NDUFA10: variants seen among roughly 807,000 people sequenced by gnomAD.
The protein encoded by NDUFA10 is NADH dehydrogenase [ubiquinone] 1 alpha subcomplex subunit 10, mitochondrial.
In NDUFA10, 40 loss-of-function variants were observed where a neutral mutation model predicts 47.8. That is an observed-to-expected ratio of 0.84 (90% CI 0.65 to 1.09). The LOEUF is 1.09. NDUFA10 is among the 50% of genes least tolerant of loss of function. The probability of loss-of-function intolerance (pLI) is 0.00; values close to 1 mark genes in which losing one functional copy is unlikely to be tolerated. For synonymous variants in NDUFA10, 183 were observed against 172.2 expected (o/e 1.06, Z -0.49); for missense variants, 413 against 451.1 (o/e 0.92, Z 0.76).
chr2:239,895,136 A>T (rs1430933408), intron 5 of NDUFA10: 2 of 346,774 alleles, frequency 5.8e-6, no homozygotes, highest in African/African-American at 4.3e-5. Context: ...ACCATCCATC[A>T]CTGACCCAGT....
intron 4 of NDUFA10, among the ~76,000 whole-genome samples, chr2:239,929,354 G>A (rs892811000): frequency 6.6e-6 from 1 of 152,170 alleles, no homozygotes; most frequent in African/African-American, 2.4e-5. Flanking sequence ...GGAGGGGCCA[G>A]GGTCTCACGA....
chr2:239,981,114 G>A (rs1695756010), intron 9 of NDUFA10, among the ~76,000 whole-genome samples: 1 of 152,236 alleles, frequency 6.6e-6, no homozygotes, highest in Admixed American at 6.5e-5. Context: ...TGCCAGGACT[G>A]AGAAATCATA....
chr2:239,910,162 C>A (rs531116155), intron 4 of NDUFA10, among the ~76,000 whole-genome samples: 208 of 152,268 alleles, frequency 1.4e-3, no homozygotes, highest in African/African-American at 4.9e-3. Flanking sequence ...TGTGGCGATT[C>A]CTCAAAGATC....
chr2:239,961,684 G>C (rs1294820744), intron 9 of NDUFA10, among the ~76,000 whole-genome samples: 1 of 152,246 alleles, frequency 6.6e-6, no homozygotes, highest in Non-Finnish European at 1.5e-5. Flanking sequence ...GGCGGAGTAG[G>C]AAAGTGAGTT....
intron 9 of NDUFA10, among the ~76,000 whole-genome samples, chr2:239,965,118 T>A (rs1695006235): frequency 6.6e-6 from 1 of 152,206 alleles, no homozygotes; most frequent in Admixed American, 6.5e-5. Flanking sequence ...AATAGAATTT[T>A]AAATCAGAGC....
At chr2:239,929,505 G>C (rs192205193) in intron 4 of NDUFA10, among the ~76,000 whole-genome samples, 1 of 152,296 alleles carries the variant, frequency 6.6e-6, no homozygotes, top group African/African-American at 2.4e-5. Flanking sequence ...AATCAGTGGT[G>C]ATTTTCCTTC....
chr2:239,938,770 G>A (rs939455019), intron 4 of NDUFA10, among the ~76,000 whole-genome samples: 8 of 152,206 alleles, frequency 5.3e-5, no homozygotes, highest in African/African-American at 1.9e-4. Flanking sequence ...GCAGATCCTG[G>A]CAGGAGTAAG....
chr2:239,991,132 G>C (rs1016347126), intron 8 of NDUFA10, among the ~76,000 whole-genome samples: 1 of 152,154 alleles, frequency 6.6e-6, no homozygotes, highest in Non-Finnish European at 1.5e-5. Flanking sequence ...ACAGTACCCA[G>C]GTAGGCTCTC....
At chr2:239,999,296 A>G (rs1457481404) in intron 8 of NDUFA10, among the ~76,000 whole-genome samples, 3 of 152,152 alleles carry the variant, frequency 2.0e-5, no homozygotes, top group Non-Finnish European at 4.4e-5. Flanking sequence ...CGTCCTCTGC[A>G]TTCTCTGGGT....
At chr2:239,967,979 TACACACACACACAC>T (rs61166045) in intron 9 of NDUFA10, among the ~76,000 whole-genome samples, 4 of 147,476 alleles carry the variant, frequency 2.7e-5, no homozygotes, top group African/African-American at 5.0e-5. Context: ...GAAAAAAATA[TACACACACACACAC>T]ACACACACAC....
chr2:239,976,098 C>T (rs1373577857), intron 9 of NDUFA10, among the ~76,000 whole-genome samples: 1 of 152,242 alleles, frequency 6.6e-6, no homozygotes, highest in Non-Finnish European at 1.5e-5. Context: ...CAAATTCCAA[C>T]ATCTCTGACC....
At position 240,022,687 on chromosome 2, in the gene NDUFA10, A is replaced by G. The variant is rs1363532197; in HGVS notation, c.76-347T>C. Among the ~76,000 whole-genome samples the G allele has an allele frequency of 2.0e-5, 3 of 152,072 alleles. No homozygotes were observed. The East Asian group carries it at 5.8e-4, about 29-fold the overall frequency. On this transcript the variant is annotated intron_variant, in intron 1 of 9. Coordinates refer to ENST00000252711, the MANE Select transcript of NDUFA10 (RefSeq NM_004544.4). ...GGATGGACGGACAGACGGGAGGAAG[A>G]AAGACAGGGATGGAGGGAAGCTCAG...
chr2:239,909,372 G>A (rs1693710028), intron 4 of NDUFA10, among the ~76,000 whole-genome samples: 1 of 152,190 alleles, frequency 6.6e-6, no homozygotes, highest in Non-Finnish European at 1.5e-5. Flanking sequence ...CAGCACTTTG[G>A]GAGGCCGAGG....
In NDUFA10 at chr2:239,987,372, G is replaced by A. The variant is rs1268695332; in HGVS notation, c.999+2702C>T. Reference sequence around the variant, plus strand: ...TGCGTGTCTGGGCCCCATCCCCTGCGTGTCTAGTCCAGGAGGCCTGGACTG... The same window carrying A: ...TGCGTGTCTGGGCCCCATCCCCTGCATGTCTAGTCCAGGAGGCCTGGACTG... On this transcript the variant is annotated intron_variant, in intron 9 of 9. Coordinates refer to ENST00000252711, the MANE Select transcript of NDUFA10 (RefSeq NM_004544.4). This position sits in a 1 kb window ranked among gnomAD's most constrained non-coding sequence, Gnocchi z 4.8. Among the ~76,000 whole-genome samples the A allele has an allele frequency of 6.6e-6, 1 of 151,786 alleles. No homozygotes were observed. Among genetic ancestry groups the A allele is most frequent in the Non-Finnish European group, 1.5e-5 (1 of 67,956 alleles).
At chr2:239,933,426 G>A (rs933712390) in intron 4 of NDUFA10, among the ~76,000 whole-genome samples, 2 of 152,164 alleles carry the variant, frequency 1.3e-5, no homozygotes, top group Non-Finnish European at 2.9e-5. Flanking sequence ...CCTGGGGAGC[G>A]ACCTGGAGCC....
At chr2:239,911,076 G>A (rs1693745248) in intron 4 of NDUFA10, among the ~76,000 whole-genome samples, 2 of 152,226 alleles carry the variant, frequency 1.3e-5, no homozygotes, top group African/African-American at 2.4e-5. Flanking sequence ...TGGGCAGAGG[G>A]CACTCAGCCG....
At chr2:239,914,443 A>G (rs1302068787) in intron 4 of NDUFA10, among the ~76,000 whole-genome samples, 1 of 148,494 alleles carries the variant, frequency 6.7e-6, no homozygotes, top group Non-Finnish European at 1.5e-5. Flanking sequence ...ACACACAGAG[A>G]TACACACACA....
intron 4 of NDUFA10, among the ~76,000 whole-genome samples, chr2:239,940,789 G>A (rs926425779): frequency 3.3e-5 from 5 of 152,198 alleles, no homozygotes; most frequent in African/African-American, 1.2e-4. Context: ...TCCTGGGGAT[G>A]GGAGGTATTC....
At chr2:239,914,237 TACAC>T (rs201624674) in intron 4 of NDUFA10, among the ~76,000 whole-genome samples, 2 of 122,268 alleles carry the variant, frequency 1.6e-5, no homozygotes, top group Middle Eastern at 0.013. Context: ...TACACAAACA[TACAC>T]ACACACAGAA....
Sources: allele counts gnomAD v4.1 joint callset (sites outside exome capture counted in the v4.1 genomes callset), GRCh38; gene constraint gnomAD v4.1.1; non-coding constraint Gnocchi (gnomAD v3.1); transcripts MANE v1.5; gene names NCBI Gene and HGNC (gene_info 2026-07-23, HGNC 2026-07-21).